Variants in CARD9 observed in about 807,000 individuals in gnomAD.
CARD9 encodes the protein caspase recruitment domain-containing protein 9.
A neutral mutation model predicts 66.0 loss-of-function variants in CARD9; 53 were observed. That is an observed-to-expected ratio of 0.80 (90% CI 0.64 to 1.01). The LOEUF (loss-of-function observed/expected upper bound fraction) is 1.01, where lower values mean the gene tolerates loss of function less well. Among genes scored for constraint, CARD9 ranks in the 50% least tolerant of loss-of-function variants. The pLI, the probability that CARD9 is intolerant of heterozygous loss-of-function variation, is 0.00. For synonymous variants in CARD9, 387 were observed against 313.8 expected (o/e 1.23, Z -2.47); for missense variants, 769 against 743.2 (o/e 1.03, Z -0.40).
chr9:136,370,059 G>C, intron 6 of CARD9, 184 bp from the exon 7 acceptor site: 2 of 1,404,746 alleles, frequency 1.4e-6, no homozygotes, highest in Non-Finnish European at 1.9e-6. Context: ...AGGGCCCTCC[G>C]GCAGGCCTCA....
intron 6 of CARD9, 176 bp downstream of exon 6, chr9:136,370,118 A>G (rs546561218): frequency 1.6e-4 from 225 of 1,421,784 alleles, no homozygotes; most frequent in Middle Eastern, 1.0e-3. Context: ...GGCCTTTGCC[A>G]TGGGGGGCAG....
chr9:136,367,617 G>C lies in CARD9; in HGVS notation c.1269+20C>G, dbSNP rs1202527240. ...ATCCCACGCGCCGGCTCCCCTCCCTGCCGCAGGCCCCAGGCCCACCAGGAC... is the reference window on the plus strand; with the variant it reads ...ATCCCACGCGCCGGCTCCCCTCCCTCCCGCAGGCCCCAGGCCCACCAGGAC... On this transcript the variant is annotated intron_variant, in intron 8 of 12. Transcript: ENST00000371732. The C allele has an allele frequency of 6.4e-7, 1 of 1,558,514 alleles. No homozygotes were observed. The highest frequency in any genetic ancestry group is 8.6e-7 in the Non-Finnish European group (1 of 1,157,288).
At position 136,370,721 on chromosome 9, in the gene CARD9, C is replaced by A; in HGVS notation, c.628-20G>T. ...GTCAATCTGCAGAAGGTCCAGTGAG[C>A]CTGGCTGTCCCCTCCAGGCGGTGAC... On this transcript the variant is annotated intron_variant, in intron 4 of 12. Coordinates refer to ENST00000371732, the MANE Select transcript of CARD9 (RefSeq NM_052813.5). The A allele has an allele frequency of 6.2e-7, 1 of 1,612,656 alleles. No individual in the cohort carries two copies. Among genetic ancestry groups the A allele is most frequent in the Middle Eastern group, 1.7e-4 (1 of 6,060 alleles).
At chr9:136,365,487 C>T (rs750206100) in intron 10 of CARD9, 3 of 552,308 alleles carry the variant, frequency 5.4e-6, no homozygotes, top group Non-Finnish European at 9.8e-6. Context: ...TGGCTGCCTG[C>T]CAGGGAGGAA....
chr9:136,371,953 G>A lies in CARD9; in HGVS notation c.126C>T (p.Pro42=), dbSNP rs10781499. 0.41 allele frequency: 665,668 copies of A among 1,609,980 alleles called. 140,540 individuals carry two copies. The highest frequency in any genetic ancestry group is 0.52 in the Admixed American group (31,168 of 59,940). ...CGCTGAGCACCTGCTCCTCATCATCGGGGTTCAGGACCTTGCACTGCCGCA... is the reference window on the plus strand; with the variant it reads ...CGCTGAGCACCTGCTCCTCATCATCAGGGTTCAGGACCTTGCACTGCCGCA... The part of the protein sequence containing the change: ...PYLRQCKVLN[P]DDEEQVLSDP... Residue 42 remains proline (P), a synonymous_variant, in exon 2 of 13, where the codon CCC becomes CCT. Transcript: ENST00000371732.
rs764911150 is a variant in CARD9 at position 136,364,062 on chromosome 9, A to G, written c.*240T>C. 1.9e-6 allele frequency: 3 copies of G among 1,541,326 alleles called. No homozygotes were observed. In the South Asian group the frequency reaches 3.6e-5, roughly 18 times the overall value. ...GTGAAACAGAACAGATCCTGAAGTT[A>G]CACAGATGGCGTGTGCATGGGGGTG... is the stretch of plus-strand genomic sequence containing the variant. On this transcript the variant is annotated 3_prime_UTR_variant, in exon 13 of 13. Transcript: ENST00000371732.
Position 136,365,205 on chromosome 9 carries a change from C to G in CARD9, c.1370G>C (p.Gly457Ala). Reference sequence around the variant, plus strand: ...AAAGGGCTGTTTCGGGCTCCCCCCGCCGGCAAGGCAGCCTGGAAAGGAGAG... The same window carrying G: ...AAAGGGCTGTTTCGGGCTCCCCCCGGCGGCAAGGCAGCCTGGAAAGGAGAG... Reference protein sequence around the residue: ...TQLSDKGCLAGGGSPKQPFAA... With the variant: ...TQLSDKGCLAAGGSPKQPFAA... The change falls in exon 11 of 13, where the codon GGC becomes GCC. Residue 457 changes from glycine to alanine, a missense_variant. Gly to Ala is a moderately conservative substitution (Grantham distance 60, BLOSUM62 0). Coordinates refer to ENST00000371732, the MANE Select transcript of CARD9 (RefSeq NM_052813.5). 1 of 1,609,546 alleles carries G rather than the reference C, an allele frequency of 6.2e-7. No homozygotes were observed. The highest frequency in any genetic ancestry group is 8.5e-7 in the Non-Finnish European group (1 of 1,179,894).
intron 10 of CARD9, 62 bp from the exon 11 acceptor site, chr9:136,365,279 G>GCCCCA: frequency 6.6e-7 from 1 of 1,506,566 alleles, no homozygotes; most frequent in South Asian, 1.1e-5. Context: ...TAGCACGGCT[G>GCCCCA]CCCCACCCCT....
In CARD9 at chr9:136,365,230, G is replaced by T; in HGVS notation, c.1358-13C>A. The T allele has an allele frequency of 6.2e-7, 1 of 1,606,210 alleles. No individual in the cohort carries two copies. ...CCGGCAAGGCAGCCTGGAAAGGAGA[G>T]TCGTGCCTGTGGGACCTGCCCATCT... On this transcript the variant is annotated splice_polypyrimidine_tract_variant and intron_variant, in intron 10 of 12. Transcript: ENST00000371732.
At chr9:136,367,582 C>A in intron 8 of CARD9, 55 bp downstream of exon 8, 1 of 1,515,264 alleles carries the variant, frequency 6.6e-7, no homozygotes. Flanking sequence ...CCGTGCTCCC[C>A]TGGCCCTGCA....
intron 3 of CARD9, 46 bp from the exon 4 acceptor site, chr9:136,371,191 C>A: frequency 6.2e-7 from 1 of 1,605,374 alleles, no homozygotes; most frequent in Non-Finnish European, 8.5e-7. Context: ...CCCCGGTGGC[C>A]CAGCTCCATC....
In CARD9 at chr9:136,365,154, AAAACCTGCTCCT is replaced by A; in HGVS notation, c.1409_1420del (p.Gln470_Val473del). 1 of 1,612,146 alleles carries A rather than the reference AAAACCTGCTCCT, an allele frequency of 6.2e-7. No individual in the cohort carries two copies. Among genetic ancestry groups the A allele is most frequent in the Non-Finnish European group, 8.5e-7 (1 of 1,179,904 alleles). ...GGGAAGCCTTACATGGGGGTTCCGC[AAAACCTGCTCCT>A]GGTGCAGAGCTGCAAAGGGCTGTTT... is the stretch of plus-strand genomic sequence containing the variant. On this transcript the variant is annotated inframe_deletion, in exon 11 of 13. Coordinates refer to ENST00000371732, the MANE Select transcript of CARD9 (RefSeq NM_052813.5).
rs369865691 is a variant in CARD9, at chr9:136,372,054, C to T, written c.25G>A (p.Glu9Lys). 35 of 1,612,596 alleles carry T rather than the reference C, an allele frequency of 2.2e-5. No homozygotes were observed. Among genetic ancestry groups the T allele is most frequent in the South Asian group, 2.2e-5 (2 of 91,094 alleles). Residue 9 changes from glutamate (E) to lysine (K), a missense_variant, in exon 2 of 13, where the codon GAG (glutamate) becomes AAG (lysine). Transcript: ENST00000371732. ...AAGCCCTCCAGGACGCTCCAGCACT[C>T]GTCATCGTTCTCGTAGTCCGACATG... MSDYENDD[E>K]CWSVLEGFRV...
At chr9:136,364,966 T>A in intron 11 of CARD9, 175 bp downstream of exon 11, 1 of 618,304 alleles carries the variant, frequency 1.6e-6, no homozygotes, top group Non-Finnish European at 2.8e-6. Flanking sequence ...GAAAGGGGGA[T>A]CCACTTCGCA....
rs1298387262 is a variant in CARD9 at position 136,365,422 on chromosome 9, G to GCCAGATGCCAGC, written c.1358-217_1358-206dup. The GCCAGATGCCAGC allele has an allele frequency of 1.4e-5, 8 of 589,168 alleles. 1 individual carries two copies. Among genetic ancestry groups the GCCAGATGCCAGC allele is most frequent in the Non-Finnish European group, 2.4e-5 (8 of 328,678 alleles). The allele number at this position is 589,168 out of a possible 1,614,324, so 36.5% of individuals were successfully genotyped here. A position where few individuals can be genotyped will look rare whatever the true frequency, so the allele number is the denominator to read the frequency against. On this transcript the variant is annotated intron_variant, in intron 10 of 12. Transcript: ENST00000371732. Reference sequence around the variant, plus strand: ...TGCCTGTTCATTGCTCCAGGAGGCCGCCAGATGCCAGCCCAGGCCCAACGC... The same window carrying GCCAGATGCCAGC: ...TGCCTGTTCATTGCTCCAGGAGGCCGCCAGATGCCAGCCCAGATGCCAGCCCAGGCCCAACGC...
In CARD9 at chr9:136,371,993, CG is replaced by C; in HGVS notation, c.85del (p.Arg29AlafsTer12). 6.2e-7 allele frequency: 1 copy of C among 1,612,764 alleles called. No homozygotes were observed. Among genetic ancestry groups the C allele is most frequent in the African/African-American group, 1.3e-5 (1 of 75,040 alleles). Reference sequence around the variant, plus strand: ...GCACTGCCGCAGGTAAGGTGTGATGCGTGAGGGGTCGATGACCGAGGTGAGC... The same window carrying C: ...GCACTGCCGCAGGTAAGGTGTGATGCTGAGGGGTCGATGACCGAGGTGAGC... ...VTLTSVIDPS[R>X]ITPYLRQCKV... On this transcript the variant is annotated frameshift_variant, in exon 2 of 13. Transcript: ENST00000371732. LOFTEE classifies it high-confidence loss of function.
Position 136,366,824 on chromosome 9 carries a change from C to G in CARD9, c.1333G>C (p.Glu445Gln), listed in dbSNP as rs767361965. The G allele has an allele frequency of 1.9e-6, 3 of 1,612,990 alleles. No individual in the cohort carries two copies. Among genetic ancestry groups the G allele is most frequent in the East Asian group, 4.5e-5 (2 of 44,906 alleles). ...SQELSLPQDL[E>Q]DTQLSDKGCL... ...CCTTTGTCTGAGAGCTGGGTGTCCTCCAGGTCCTGGGGGAGTGAGAGCTTC... is the reference window on the plus strand; with the variant it reads ...CCTTTGTCTGAGAGCTGGGTGTCCTGCAGGTCCTGGGGGAGTGAGAGCTTC... The change falls in exon 10 of 13, where the codon GAG becomes CAG. Residue 445 changes from glutamate to glutamine, a missense_variant. Physicochemically the swap from Glu to Gln is conservative, Grantham distance 29. Coordinates refer to ENST00000371732, the MANE Select transcript of CARD9 (RefSeq NM_052813.5).
chr9:136,369,040 G>A (rs1833193597), intron 7 of CARD9, among the ~76,000 whole-genome samples: 1 of 152,092 alleles, frequency 6.6e-6, no homozygotes, highest in Non-Finnish European at 1.5e-5. Flanking sequence ...GGCTGGTCTC[G>A]AACTCCTGAC....
chr9:136,368,251 A>G (rs1588722515), intron 7 of CARD9, among the ~76,000 whole-genome samples: 1 of 152,142 alleles, frequency 6.6e-6, no homozygotes, highest in African/African-American at 2.4e-5. Flanking sequence ...CGGCTTGACC[A>G]CCCCTGCAGC....
Sources: allele counts gnomAD v4.1 joint callset (sites outside exome capture counted in the v4.1 genomes callset), GRCh38; gene constraint gnomAD v4.1.1; transcripts MANE v1.5; gene names NCBI Gene and HGNC (gene_info 2026-07-23, HGNC 2026-07-21).